Variants in PLIN4 observed in about 807,000 individuals in gnomAD.
The protein encoded by PLIN4 is perilipin 4.
Under a neutral mutation model 52.4 loss-of-function variants are expected in PLIN4, and 57 were observed. That is an observed-to-expected ratio of 1.09 (90% CI 0.88 to 1.36). The LOEUF (loss-of-function observed/expected upper bound fraction) is 1.36, where lower values mean the gene tolerates loss of function less well. Ranked by LOEUF, PLIN4 falls within the 40% of genes most tolerant of loss-of-function variation. The pLI, the probability that PLIN4 is intolerant of heterozygous loss-of-function variation, is 0.00. For missense variants in PLIN4, 1,757 were observed against 1,770.3 expected (o/e 0.99, Z 0.13); for synonymous variants, 826 against 785.4 (o/e 1.05, Z -0.86).
chr19:4,515,003 C>T (rs1160297208), intron 4 of PLIN4, among the ~76,000 whole-genome samples: 2 of 151,668 alleles, frequency 1.3e-5, no homozygotes, highest in Non-Finnish European at 2.9e-5. Flanking sequence ...TGGCGAAACC[C>T]TGTCTCTACT....
intron 4 of PLIN4, among the ~76,000 whole-genome samples, chr19:4,514,158 T>A (rs981356743): frequency 1.3e-5 from 2 of 152,176 alleles, no homozygotes; most frequent in African/African-American, 4.8e-5. Context: ...CTTATTAAAA[T>A]CATTATATCC....
Position 4,510,885 on chromosome 19 carries a change from T to G in PLIN4, c.3075A>C (p.Gly1025=). 1 of 1,613,426 alleles carries G rather than the reference T, an allele frequency of 6.2e-7. No individual in the cohort carries two copies. Among genetic ancestry groups the G allele is most frequent in the Non-Finnish European group, 8.5e-7 (1 of 1,179,780 alleles). ...GCCCAGCGGACACTGCGTCTTTGGT[T>G]CCGGTCAGCACTGTCTTGGTGGTGT... ...GLDTTKTVLT[G]TKDAVSAGLM... is the part of the protein sequence containing the mutation. Residue 1025 remains glycine (G), a synonymous_variant, in exon 5 of 8, where the codon GGA becomes GGC. Coordinates refer to ENST00000301286, the MANE Select transcript of PLIN4 (RefSeq NM_001367868.2).
rs537921565 is a variant in PLIN4 at position 4,502,401 on chromosome 19, A to G, written c.*2058T>C. On this transcript the variant is annotated 3_prime_UTR_variant, in exon 8 of 8. Coordinates refer to ENST00000301286, the MANE Select transcript of PLIN4 (RefSeq NM_001367868.2). ...AGTGGCAGGAGAGCTGGGCGGGAGC[A>G]AGCTCTTCCCAGGAGACAAGAGGGA... 416 of 348,174 alleles carry G rather than the reference A, an allele frequency of 1.2e-3. 3 individuals carry two copies. Among genetic ancestry groups the G allele is most frequent in the African/African-American group, 8.6e-3 (394 of 45,810 alleles). 21.6% of individuals were successfully genotyped at this position (348,174 alleles called of 1,614,324 possible). A position where few individuals can be genotyped will look rare whatever the true frequency, so the allele number is the denominator to read the frequency against.
chr19:4,512,054 T>C lies in PLIN4; in HGVS notation c.1906A>G (p.Ser636Gly), dbSNP rs1227143443. ...VLTGTKDTIY[S>G]GVTSAVNVAK... Reference sequence around the variant, plus strand: ...ACGTTCACGGCACTGGTGACCCCACTGTAGATGGTGTCCTTGGTACCGGTT... The same window carrying C: ...ACGTTCACGGCACTGGTGACCCCACCGTAGATGGTGTCCTTGGTACCGGTT... Residue 636 changes from serine to glycine, a missense_variant, in exon 5 of 8, where the codon AGT (serine) becomes GGT (glycine). Physicochemically the swap from Ser to Gly is moderately conservative, Grantham distance 56. This residue lies in a region of PLIN4 where 439 missense variants were observed against 406.4 expected (regional missense o/e 1.08). Transcript: ENST00000301286. 4.3e-6 allele frequency: 7 copies of C among 1,612,226 alleles called. No individual in the cohort carries two copies. The highest frequency in any genetic ancestry group is 2.2e-5 in the South Asian group (2 of 91,002).
chr19:4,508,875 C>G lies in PLIN4; in HGVS notation c.3595G>C (p.Gly1199Arg). ...AATGCCCGCTGGCGGAAGCTGGGAC[C>G]CAGGTCACCTAAACGAACGAAGTAG... is the stretch of plus-strand genomic sequence containing the variant. Reference protein sequence around the residue: ...GSYFVRLGDLGPSFRQRAFEH... With the variant: ...GSYFVRLGDLRPSFRQRAFEH... The change falls in exon 6 of 8, where the codon GGT (glycine) becomes CGT (arginine). Residue 1199 changes from glycine to arginine, a missense_variant. Coordinates refer to ENST00000301286, the MANE Select transcript of PLIN4 (RefSeq NM_001367868.2). 1 of 1,613,084 alleles carries G rather than the reference C, an allele frequency of 6.2e-7. No individual in the cohort carries two copies. Among genetic ancestry groups the G allele is most frequent in the East Asian group, 2.2e-5 (1 of 44,862 alleles).
chr19:4,504,916 T>C lies in PLIN4; in HGVS notation c.3734A>G (p.Gln1245Arg), dbSNP rs1351460341. Residue 1245 changes from glutamine to arginine, a missense_variant, in exon 7 of 8, where the codon CAG becomes CGG. Gln to Arg is a conservative substitution (Grantham distance 43, BLOSUM62 1). Transcript: ENST00000301286. ...IEKAQQAPEG[Q>R]PRLDQGSGAS... The stretch of plus-strand genomic sequence containing the variant: ...ACCTGAGCCCTGGTCCAGACGTGGC[T>C]GCCCTTCTGGAGCCTGCTGGGCCTT... The C allele has an allele frequency of 8.7e-6, 14 of 1,607,740 alleles. No homozygotes were observed. In the Middle Eastern group the frequency reaches 6.6e-4, roughly 76 times the overall value.
chr19:4,506,842 C>T (rs1976109532), intron 6 of PLIN4, among the ~76,000 whole-genome samples: 1 of 152,272 alleles, frequency 6.6e-6, no homozygotes, highest in Non-Finnish European at 1.5e-5. Context: ...GAACGCCTTC[C>T]AACTGCGCCA....
chr19:4,506,126 C>T (rs1221604072), intron 6 of PLIN4, among the ~76,000 whole-genome samples: 8 of 152,132 alleles, frequency 5.3e-5, no homozygotes, highest in Non-Finnish European at 1.0e-4. Flanking sequence ...CAGAGTGATC[C>T]TTTTAAATGA....
chr19:4,512,302 C>G lies in PLIN4; in HGVS notation c.1658G>C (p.Gly553Ala). 6.2e-7 allele frequency: 1 copy of G among 1,611,966 alleles called. No individual in the cohort carries two copies. The highest frequency in any genetic ancestry group is 8.5e-7 in the Non-Finnish European group (1 of 1,179,552). Reference protein sequence around the residue: ...VNVAKGAVQGGLDTTKSVVIG... With the variant: ...VNVAKGAVQGALDTTKSVVIG... Reference sequence around the variant, plus strand: ...GACCACAGACTTGGTGGTGTCCAGGCCCCCCTGGACGGCCCCTTTGGCCAC... The same window carrying G: ...GACCACAGACTTGGTGGTGTCCAGGGCCCCCTGGACGGCCCCTTTGGCCAC... Residue 553 changes from glycine (G) to alanine (A), a missense_variant, in exon 5 of 8, where the codon GGC becomes GCC. This residue lies in a region of PLIN4 where 439 missense variants were observed against 406.4 expected (regional missense o/e 1.08). Coordinates refer to ENST00000301286, the MANE Select transcript of PLIN4 (RefSeq NM_001367868.2).
chr19:4,515,291 A>G (rs889696111), intron 4 of PLIN4, among the ~76,000 whole-genome samples: 3 of 151,708 alleles, frequency 2.0e-5, no homozygotes, highest in Non-Finnish European at 4.4e-5. Flanking sequence ...GTTTTTTGAA[A>G]CAGAGTCTCA....
intron 3 of PLIN4, 70 bp downstream of exon 3, chr19:4,517,484 C>T: frequency 6.6e-7 from 1 of 1,526,394 alleles, no homozygotes; most frequent in Non-Finnish European, 8.8e-7. Flanking sequence ...GAAGTCCCTG[C>T]CCGGGGAGCT....
rs1428217387 is a variant in PLIN4, at chr19:4,504,201, A to T, written c.*258T>A. ...GGGAAGGCTCTTGGCTGGTGGTCTG[A>T]GTGACCCCAGGCTCCGAGAGGGGCA... On this transcript the variant is annotated 3_prime_UTR_variant, in exon 8 of 8. Coordinates refer to ENST00000301286, the MANE Select transcript of PLIN4 (RefSeq NM_001367868.2). The T allele has an allele frequency of 4.7e-6, 2 of 426,338 alleles. No homozygotes were observed. The highest frequency in any genetic ancestry group is 8.3e-6 in the Non-Finnish European group (2 of 241,410). 26.4% of individuals were successfully genotyped at this position (426,338 alleles called of 1,614,324 possible).
At chr19:4,505,117 A>G (rs1976053651) in intron 6 of PLIN4, among the ~76,000 whole-genome samples, 170 bp from the exon 7 acceptor site, 1 of 152,170 alleles carries the variant, frequency 6.6e-6, no homozygotes, top group Non-Finnish European at 1.5e-5. Flanking sequence ...GAAAGAGGCA[A>G]TAGTTCAAAC....
Position 4,511,810 on chromosome 19 carries a change from G to C in PLIN4, c.2150C>G (p.Thr717Ser), listed in dbSNP as rs765556985. Residue 717 changes from threonine (T) to serine (S), a missense_variant, in exon 5 of 8, where the codon ACC becomes AGC. By Grantham distance (58) the Thr-to-Ser change is moderately conservative. Coordinates refer to ENST00000301286, the MANE Select transcript of PLIN4 (RefSeq NM_001367868.2). The part of the protein sequence containing the change: ...AVNVAKGTVQ[T>S]SVDTTKTVLT... ...GACAGTCTTGGTGGTGTCCACACTG[G>C]TCTGGACAGTCCCTTTGGCGACATT... 6.2e-7 allele frequency: 1 copy of C among 1,610,824 alleles called. No homozygotes were observed. Among genetic ancestry groups the C allele is most frequent in the Non-Finnish European group, 8.5e-7 (1 of 1,177,186 alleles).
In PLIN4 at chr19:4,512,804, G is replaced by A. The variant is rs201581703; in HGVS notation, c.1156C>T (p.Gln386Ter). The change falls in exon 5 of 8, where the codon CAG becomes TAG. Residue 386 changes from glutamine (Q) to a stop codon, truncating the protein, a stop_gained. Coordinates refer to ENST00000301286, the MANE Select transcript of PLIN4 (RefSeq NM_001367868.2). LOFTEE classifies it high-confidence loss of function. The stretch of plus-strand genomic sequence containing the variant: ...GACTTGGTGGTATCCAGGCCCCCCT[G>A]GATGGCCTCTTTGGCCAAGTTCACG... ...GAVNLAKEAI[Q>*]GGLDTTKSMV... 1,889 of 1,564,486 alleles carry A rather than the reference G, an allele frequency of 1.2e-3. 187 individuals are homozygous for A. The highest frequency in any genetic ancestry group is 1.5e-3 in the Non-Finnish European group (1,776 of 1,161,714).
In PLIN4 at chr19:4,512,579, C is replaced by A. The variant is rs754501970; in HGVS notation, c.1381G>T (p.Val461Phe). 6.2e-7 allele frequency: 1 copy of A among 1,610,586 alleles called. No homozygotes were observed. The highest frequency in any genetic ancestry group is 8.5e-7 in the Non-Finnish European group (1 of 1,178,254). The change falls in exon 5 of 8, where the codon GTT becomes TTT. Residue 461 changes from valine (V) to phenylalanine (F), a missense_variant. By Grantham distance (50) the Val-to-Phe change is conservative. This residue lies in a region of PLIN4 where 439 missense variants were observed against 406.4 expected (regional missense o/e 1.08). Transcript: ENST00000301286. ...ACAGTGTCCTTGGTACCAGTTAGAA[C>A]GATCTTGGTGGTGTCCACGCCTGTC... Reference protein sequence around the residue: ...IQTGVDTTKIVLTGTKDTVCS... With the variant: ...IQTGVDTTKIFLTGTKDTVCS...
rs757633109 is a variant in PLIN4 at position 4,504,575 on chromosome 19, G to A, written c.4000C>T (p.Arg1334Cys). The change falls in exon 8 of 8, where the codon CGC becomes TGC. Residue 1334 changes from arginine (R) to cysteine (C), a missense_variant. Arg to Cys is a radical substitution (Grantham distance 180, BLOSUM62 -3). Around this residue, in one of 7 missense-constraint regions of PLIN4, gnomAD observed 712 missense variants for 637.1 expected, o/e 1.12. Coordinates refer to ENST00000301286, the MANE Select transcript of PLIN4 (RefSeq NM_001367868.2). Reference sequence around the variant, plus strand: ...TGCCAAGCCTGGTGCACACCCTCGCGGCTCTGCACCAGCCGCTCTGCGGGC... The same window carrying A: ...TGCCAAGCCTGGTGCACACCCTCGCAGCTCTGCACCAGCCGCTCTGCGGGC... Reference protein sequence around the residue: ...ELPAERLVQSREGVHQAWQGL... With the variant: ...ELPAERLVQSCEGVHQAWQGL... 2.3e-5 allele frequency: 37 copies of A among 1,601,502 alleles called. No homozygotes were observed. In the African/African-American group the frequency reaches 2.5e-4, roughly 11 times the overall value.
chr19:4,508,854 C>G lies in PLIN4; in HGVS notation c.3616G>C (p.Ala1206Pro), dbSNP rs759821686. The G allele has an allele frequency of 2.0e-5, 33 of 1,611,346 alleles. No individual in the cohort carries two copies. The highest frequency in any genetic ancestry group is 2.7e-5 in the Non-Finnish European group (32 of 1,179,138). Residue 1206 changes from alanine (A) to proline (P), a missense_variant, in exon 6 of 8, where the codon GCA becomes CCA. Around this residue, in one of 7 missense-constraint regions of PLIN4, gnomAD observed 712 missense variants for 637.1 expected, o/e 1.12. Coordinates refer to ENST00000301286, the MANE Select transcript of PLIN4 (RefSeq NM_001367868.2). ...AGGTGGCTCACCGCGTGTTCAAATG[C>G]CCGCTGGCGGAAGCTGGGACCCAGG... The part of the protein sequence containing the change: ...GDLGPSFRQR[A>P]FEHAVSHLQH...
chr19:4,509,946 G>C (rs1203791959), intron 5 of PLIN4, among the ~76,000 whole-genome samples: 3 of 145,518 alleles, frequency 2.1e-5, no homozygotes, highest in African/African-American at 7.7e-5. Context: ...GTGCTCTCAC[G>C]TGTAATCCCA....
Sources: gnomAD v4.1 joint callset for allele counts (sites outside exome capture counted in the v4.1 genomes callset) on GRCh38, gnomAD v4.1.1 for gene constraint, gnomAD v4.1.1 regional missense constraint, MANE v1.5 for transcripts, NCBI Gene and HGNC (gene_info 2026-07-23, HGNC 2026-07-21) for gene names.